TNFRSF11A: variants seen among roughly 807,000 people sequenced by gnomAD.
TNFRSF11A encodes the protein tumor necrosis factor receptor superfamily member 11A.
TNFRSF11A carries 32 observed loss-of-function variants against 55.7 expected under a neutral mutation model. The observed-to-expected ratio is 0.57, with a 90% CI of 0.43 to 0.77. The LOEUF (loss-of-function observed/expected upper bound fraction) is 0.77. Ranked by LOEUF, TNFRSF11A falls within the 30% of genes least tolerant of loss-of-function variation. The pLI is 0.00. For missense variants in TNFRSF11A, 753 were observed against 809.8 expected (o/e 0.93, Z 0.85); for synonymous variants, 311 against 331.0 (o/e 0.94, Z 0.65).
rs117913830 is a variant in TNFRSF11A, at chr18:62,369,666, A to T, written c.1567+182A>T. Among the ~76,000 whole-genome samples, 30 of 152,352 alleles carry T rather than the reference A, an allele frequency of 2.0e-4. No homozygotes were observed. The East Asian group carries it at 4.6e-3, about 24-fold the overall frequency. ...ATTCAGTCCACGTGTTTGGTTATAC[A>T]CTGCGCCCAGCGCTGTGTGGCTTCA... On this transcript the variant is annotated intron_variant, in intron 9 of 9. Coordinates refer to ENST00000586569, the MANE Select transcript of TNFRSF11A (RefSeq NM_003839.4).
intron 7 of TNFRSF11A, among the ~76,000 whole-genome samples, chr18:62,362,790 C>T (rs1311397521): frequency 6.6e-6 from 1 of 152,014 alleles, no homozygotes; most frequent in East Asian, 1.9e-4. Context: ...ATATTAAAAA[C>T]CTGCTGTTTC....
intron 9 of TNFRSF11A, among the ~76,000 whole-genome samples, chr18:62,382,107 C>CTTTTTTTTTTTTTTT (rs574488222): frequency 5.6e-5 from 5 of 89,414 alleles, no homozygotes; most frequent in African/African-American, 1.3e-4. Flanking sequence ...TTCCTGAGTC[C>CTTTTTTTTTTTTTTT]TTTTTTTTTT....
chr18:62,354,577 T>C (rs1232369716), intron 4 of TNFRSF11A, 43 bp downstream of exon 4: 4 of 1,599,616 alleles, frequency 2.5e-6, no homozygotes, highest in East Asian at 2.2e-5. Context: ...TGCTGAGCCA[T>C]GCAAAGCCAG....
intron 9 of TNFRSF11A, among the ~76,000 whole-genome samples, chr18:62,380,687 C>T (rs902629386): frequency 2.0e-5 from 3 of 152,100 alleles, no homozygotes; most frequent in Admixed American, 6.5e-5. Flanking sequence ...CCACCCGCCT[C>T]GGCCTCCCAA....
rs1020739403 is a variant in TNFRSF11A at position 62,387,493 on chromosome 18, G to A, written c.*2459G>A. The A allele has an allele frequency of 2.6e-5, 4 of 152,200 alleles. No homozygotes were observed. The highest frequency in any genetic ancestry group is 5.9e-5 in the Non-Finnish European group (4 of 68,042). 9.4% of individuals were successfully genotyped at this position (152,200 alleles called of 1,614,324 possible). On this transcript the variant is annotated 3_prime_UTR_variant, in exon 10 of 10. Coordinates refer to ENST00000586569, the MANE Select transcript of TNFRSF11A (RefSeq NM_003839.4). The stretch of plus-strand genomic sequence containing the variant: ...AACTTATTGCTAATCTTTATGATAT[G>A]CTTATTCCTAATCTTTATGGTATGG...
At chr18:62,355,993 T>G (rs1266553747) in intron 4 of TNFRSF11A, among the ~76,000 whole-genome samples, 1 of 152,250 alleles carries the variant, frequency 6.6e-6, no homozygotes, top group Non-Finnish European at 1.5e-5. Flanking sequence ...AAGTTATTTT[T>G]AACGCTCTAT....
intron 3 of TNFRSF11A, 59 bp from the exon 4 acceptor site, chr18:62,354,332 C>A (rs1600383622): frequency 1.3e-6 from 2 of 1,496,022 alleles, no homozygotes; most frequent in Admixed American, 4.2e-5. Context: ...CAGTCGTGGG[C>A]GGTGTGTTTG....
At position 62,385,848 on chromosome 18, in the gene TNFRSF11A, G is replaced by A. The variant is rs911018064; in HGVS notation, c.*814G>A. 1 of 152,224 alleles carries A rather than the reference G, an allele frequency of 6.6e-6. No individual in the cohort carries two copies. The highest frequency in any genetic ancestry group is 2.4e-5 in the African/African-American group (1 of 41,452). 9.4% of individuals were successfully genotyped at this position (152,224 alleles called of 1,614,324 possible). On this transcript the variant is annotated 3_prime_UTR_variant, in exon 10 of 10. Transcript: ENST00000586569. ...GTTTTAGAGATGGCTTTCCCAGTGT[G>A]TGTTCATTGTAAACACTTTTGGGAA... is the stretch of plus-strand genomic sequence containing the variant.
At chr18:62,360,074 T>C in intron 6 of TNFRSF11A, 25 bp downstream of exon 6, 1 of 1,601,142 alleles carries the variant, frequency 6.2e-7, no homozygotes, top group Non-Finnish European at 8.6e-7. Flanking sequence ...AGCCTGTTGG[T>C]TGATAGATGT....
rs571389077 is a variant in TNFRSF11A at position 62,358,724 on chromosome 18, C to A, written c.521+383C>A. Among the ~76,000 whole-genome samples, 147 of 152,268 alleles carry A rather than the reference C, an allele frequency of 9.7e-4. 1 individual carries two copies. The highest frequency in any genetic ancestry group is 3.5e-3 in the African/African-American group (145 of 41,532). ...TGTGTGTGTGTACATATAGAAGCCTCCTGTTTATATAAATGTTTGCATGCT... is the reference window on the plus strand; with the variant it reads ...TGTGTGTGTGTACATATAGAAGCCTACTGTTTATATAAATGTTTGCATGCT... On this transcript the variant is annotated intron_variant, in intron 5 of 9. Coordinates refer to ENST00000586569, the MANE Select transcript of TNFRSF11A (RefSeq NM_003839.4).
chr18:62,355,900 A>T (rs1909218035), intron 4 of TNFRSF11A, among the ~76,000 whole-genome samples: 1 of 152,218 alleles, frequency 6.6e-6, no homozygotes, highest in South Asian at 2.1e-4. Context: ...CAAAGGAAAC[A>T]CTTTGGTTAT....
Position 62,361,781 on chromosome 18 carries a change from A to G in TNFRSF11A, c.718A>G (p.Lys240Glu), listed in dbSNP as rs148185533. Residue 240 changes from lysine (K) to glutamate (E), a missense_variant, in exon 7 of 10, where the codon AAA becomes GAA. By Grantham distance (56) the Lys-to-Glu change is moderately conservative. This residue lies in a region of TNFRSF11A where 567 missense variants were observed against 596.7 expected (regional missense o/e 0.95). Transcript: ENST00000586569. ...TGGCGTTTGCTATAGGAAAAAAGGG[A>G]AAGCACTCACAGGTATTGTGTCTAT... ...IFGVCYRKKG[K>E]ALTANLWHWI... 1,163 of 1,613,946 alleles carry G rather than the reference A, an allele frequency of 7.2e-4. 5 individuals carry two copies. The Middle Eastern group carries it at 8.9e-3, about 12-fold the overall frequency.
chr18:62,358,686 A>T (rs947860507), intron 5 of TNFRSF11A, among the ~76,000 whole-genome samples: 1 of 152,158 alleles, frequency 6.6e-6, no homozygotes, highest in African/African-American at 2.4e-5. Context: ...TGATTTATTC[A>T]TCCAGTTATT....
chr18:62,369,619 C>T, intron 9 of TNFRSF11A, 135 bp downstream of exon 9: 1 of 1,143,414 alleles, frequency 8.7e-7, no homozygotes. Flanking sequence ...TCTTAATAAG[C>T]ATTTTTACAG....
intron 9 of TNFRSF11A, among the ~76,000 whole-genome samples, chr18:62,376,121 G>C (rs546023751): frequency 6.6e-6 from 1 of 152,278 alleles, no homozygotes; most frequent in African/African-American, 2.4e-5. Context: ...CTGGCCCAGA[G>C]GGTTCCACAG....
At chr18:62,326,101 C>T (rs532551875) in intron 1 of TNFRSF11A, among the ~76,000 whole-genome samples, 1 of 152,344 alleles carries the variant, frequency 6.6e-6, no homozygotes, top group African/African-American at 2.4e-5. Flanking sequence ...GACTTTCTGC[C>T]TCGTGGAGGA....
At chr18:62,361,086 TA>T (rs1302713850) in intron 6 of TNFRSF11A, among the ~76,000 whole-genome samples, 6 of 152,110 alleles carry the variant, frequency 3.9e-5, no homozygotes, top group Non-Finnish European at 8.8e-5. Context: ...AAAGTTATTT[TA>T]AAAAAGAGGA....
Position 62,386,324 on chromosome 18 carries a change from C to T in TNFRSF11A, c.*1290C>T, listed in dbSNP as rs896099917. Reference sequence around the variant, plus strand: ...TAGCGTGAATAGATCCTCTTTTATTCGTAAATAATCGTGCATCTGTGGGTT... The same window carrying T: ...TAGCGTGAATAGATCCTCTTTTATTTGTAAATAATCGTGCATCTGTGGGTT... On this transcript the variant is annotated 3_prime_UTR_variant, in exon 10 of 10. Transcript: ENST00000586569. 1.3e-5 allele frequency: 2 copies of T among 152,100 alleles called. No homozygotes were observed. Among genetic ancestry groups the T allele is most frequent in the African/African-American group, 4.8e-5 (2 of 41,402 alleles). The allele number at this position is 152,100 out of a possible 1,614,324, so 9.4% of individuals were successfully genotyped here.
At chr18:62,347,412 CT>C (rs1415746546) in intron 1 of TNFRSF11A, among the ~76,000 whole-genome samples, 1 of 152,114 alleles carries the variant, frequency 6.6e-6, no homozygotes, top group African/African-American at 2.4e-5. Context: ...GCTCTGTTTT[CT>C]TTTGTTTTAC....
Sources: allele counts gnomAD v4.1 joint callset (sites outside exome capture counted in the v4.1 genomes callset), GRCh38; gene constraint gnomAD v4.1.1; regional missense constraint gnomAD v4.1.1; transcripts MANE v1.5; gene names NCBI Gene and HGNC (gene_info 2026-07-23, HGNC 2026-07-21).